Variants in RUVBL1 observed in about 807,000 individuals in gnomAD.
RUVBL1 encodes the protein ruvB-like 1.
In RUVBL1, 4 loss-of-function variants were observed where a neutral mutation model predicts 52.4. The observed-to-expected ratio is 0.08, with a 90% CI of 0.04 to 0.17. The LOEUF (loss-of-function observed/expected upper bound fraction) is 0.17. Ranked by LOEUF, RUVBL1 falls within the 10% of genes least tolerant of loss-of-function variation. The probability of loss-of-function intolerance (pLI) is 1.00; values close to 1 mark genes in which losing one functional copy is unlikely to be tolerated. For synonymous variants in RUVBL1, 217 were observed against 214.4 expected, an observed-to-expected ratio of 1.01 and a Z score of -0.10; for missense variants, 298 against 572.8, an observed-to-expected ratio of 0.52 and a Z score of 4.90.
chr3:128,080,248 C>G (rs576181595), downstream of RUVBL1, among the ~76,000 whole-genome samples: 13 of 152,344 alleles, frequency 8.5e-5, no homozygotes, highest in Non-Finnish European at 1.8e-4. Flanking sequence ...CAAAATAAAT[C>G]TACTAAAGTA....
intron 1 of RUVBL1, among the ~76,000 whole-genome samples, chr3:128,149,700 CA>C (rs1408678058): frequency 1.1e-4 from 16 of 152,184 alleles, no homozygotes; most frequent in Admixed American, 9.8e-4. Flanking sequence ...GAGTGAGTCT[CA>C]ATGGTTTCTC....
upstream of RUVBL1, among the ~76,000 whole-genome samples, chr3:128,128,311 A>G (rs1352868711): frequency 6.6e-6 from 1 of 152,220 alleles, no homozygotes; most frequent in Non-Finnish European, 1.5e-5. Context: ...TAGTTAAAAG[A>G]TTAGTTCAGC....
At chr3:128,150,863 AT>A (rs1401272002) in intron 1 of RUVBL1, among the ~76,000 whole-genome samples, 4 of 73,846 alleles carry the variant, frequency 5.4e-5, no homozygotes, top group Admixed American at 2.3e-4. Flanking sequence ...TATATTATAT[AT>A]TATATATATA....
chr3:128,088,665 T>C (rs1458695990), intron 8 of RUVBL1, among the ~76,000 whole-genome samples: 1 of 151,912 alleles, frequency 6.6e-6, no homozygotes, highest in African/African-American at 2.4e-5. Context: ...TGCAGTGGCA[T>C]GATTCTAGCT....
At chr3:128,066,945 G>A in intron 9 of RUVBL1, 1 of 1,614,094 alleles carries the variant, frequency 6.2e-7, no homozygotes, top group Non-Finnish European at 8.5e-7. Context: ...GTTCTGTTTG[G>A]CTTCTCAGGG....
At chr3:128,150,984 C>CTA (rs1198262554) in intron 1 of RUVBL1, among the ~76,000 whole-genome samples, 1 of 67,124 alleles carries the variant, frequency 1.5e-5, no homozygotes, top group Non-Finnish European at 2.5e-5. Context: ...ATTATATATT[C>CTA]TATATATATT....
chr3:128,150,666 C>T (rs867982187), intron 1 of RUVBL1, among the ~76,000 whole-genome samples: 57 of 125,522 alleles, frequency 4.5e-4, no homozygotes, highest in East Asian at 2.8e-3. Flanking sequence ...ATATTCTATA[C>T]ATATATTCTA....
intron 9 of RUVBL1, chr3:128,068,117 C>T (rs1942040574): frequency 7.3e-7 from 1 of 1,360,990 alleles, no homozygotes; most frequent in Non-Finnish European, 1.1e-6. Flanking sequence ...TGTTTCTTTC[C>T]ATGCAGGGCA....
chr3:128,071,265 A>G (rs1306633639), intron 9 of RUVBL1: 1 of 152,500 alleles, frequency 6.6e-6, no homozygotes, highest in Admixed American at 6.5e-5. Context: ...TTACCACCCT[A>G]TCACACGTGG....
chr3:128,153,392 G>C (rs1944285350), exon 1 of RUVBL1: 2 of 1,394,366 alleles, frequency 1.4e-6, no homozygotes, highest in South Asian at 3.2e-5. Context: ...TTCCGGGCCG[G>C]AACGGGTGTG....
At chr3:128,107,643 T>G (rs1336824888) in intron 3 of RUVBL1, among the ~76,000 whole-genome samples, 1 of 152,230 alleles carries the variant, frequency 6.6e-6, no homozygotes, top group Admixed American at 6.5e-5. Context: ...TTCTATCTGA[T>G]AGCCTATAAA....
At chr3:128,077,020 C>T (rs1284965852), downstream of RUVBL1, among the ~76,000 whole-genome samples, 1 of 151,752 alleles carries the variant, frequency 6.6e-6, no homozygotes, top group Non-Finnish European at 1.5e-5. Context: ...GCCCATCGGC[C>T]CATCTTATCG....
chr3:128,083,108 T>A (rs2107670691), intron 9 of RUVBL1: 1 of 154,068 alleles, frequency 6.5e-6, no homozygotes, highest in Middle Eastern at 3.4e-3. Context: ...ATATCTAATC[T>A]ATCAAGAAGA....
intron 1 of RUVBL1, among the ~76,000 whole-genome samples, chr3:128,130,629 G>C (rs9847501): frequency 4.6e-5 from 1 of 21,870 alleles, no homozygotes; most frequent in South Asian, 1.1e-3. Context: ...ATTTATTTAT[G>C]TATTTATTTA....
In RUVBL1 at chr3:128,135,464, C is replaced by T. The variant is rs933038228; in HGVS notation, c.-39-16050G>A. Among the ~76,000 whole-genome samples, 5 of 152,154 alleles carry T rather than the reference C, an allele frequency of 3.3e-5. No individual in the cohort carries two copies. In the East Asian group the frequency reaches 9.6e-4, roughly 29 times the overall value. On this transcript the variant is annotated intron_variant, in intron 1 of 9. Transcript: ENST00000464873. Reference sequence around the variant, plus strand: ...AGGAGAATCGCTTGAACCCAGGAGGCGGAAGTTGTAGTAAGCCAAGATTGT... The same window carrying T: ...AGGAGAATCGCTTGAACCCAGGAGGTGGAAGTTGTAGTAAGCCAAGATTGT...
intron 4 of RUVBL1, among the ~76,000 whole-genome samples, chr3:128,102,668 G>A (rs1002399817): frequency 5.9e-5 from 9 of 152,220 alleles, no homozygotes; most frequent in East Asian, 5.8e-4. Context: ...AGTAGTTGCC[G>A]AGGGCTATAG....
At chr3:128,153,328 C>A in exon 1 of RUVBL1, 1 of 1,372,364 alleles carries the variant, frequency 7.3e-7, no homozygotes, top group Non-Finnish European at 9.3e-7. Context: ...TCCTAGACCA[C>A]CCACTCGGAG....
chr3:128,113,430 C>G (rs964987006), intron 2 of RUVBL1, among the ~76,000 whole-genome samples: 5 of 152,134 alleles, frequency 3.3e-5, no homozygotes, highest in African/African-American at 1.2e-4. Context: ...CTCCAAAGAT[C>G]ATGTTATCAT....
At chr3:128,118,906 C>G (rs900775819) in intron 2 of RUVBL1, among the ~76,000 whole-genome samples, 1 of 152,160 alleles carries the variant, frequency 6.6e-6, no homozygotes, top group African/African-American at 2.4e-5. Flanking sequence ...TTCTTGTTTT[C>G]CTTTTTTTCA....
Sources: allele counts gnomAD v4.1 joint callset (sites outside exome capture counted in the v4.1 genomes callset), GRCh38; gene constraint gnomAD v4.1.1; transcripts MANE v1.5; gene names NCBI Gene and HGNC (gene_info 2026-07-23, HGNC 2026-07-21).